JPH3: variants seen among roughly 807,000 people sequenced by gnomAD.
JPH3 encodes the protein junctophilin 3, also known as junctophilin-3.
In JPH3, 11 loss-of-function variants were observed where a neutral mutation model predicts 59.6. The observed-to-expected ratio is 0.18, with a 90% confidence interval of 0.12 to 0.31. The LOEUF (loss-of-function observed/expected upper bound fraction) is 0.31, where lower values mean the gene tolerates loss of function less well. Among genes scored for constraint, JPH3 ranks in the 10% least tolerant of loss-of-function variants. The pLI is 1.00. For missense variants in JPH3, 1,202 were observed against 1,105.7 expected, an observed-to-expected ratio of 1.09 and a Z score of -1.24; for synonymous variants, 673 against 483.6, an observed-to-expected ratio of 1.39 and a Z score of -5.14.
rs1420812954 is a variant in JPH3, at chr16:87,697,990, C to G, written c.*1330C>G. The G allele has an allele frequency of 6.6e-6, 1 of 152,616 alleles. No homozygotes were observed. Among genetic ancestry groups the G allele is most frequent in the Admixed American group, 6.5e-5 (1 of 15,282 alleles). 9.5% of individuals were successfully genotyped at this position (152,616 alleles called of 1,614,324 possible). On this transcript the variant is annotated 3_prime_UTR_variant, in exon 5 of 5. Coordinates refer to ENST00000284262, the MANE Select transcript of JPH3 (RefSeq NM_020655.4). ...GCCCGGGGAGGCGCTGCAGGGATTC[C>G]CCATCCGGTCGTCTTGGGGCCAGCC...
At chr16:87,677,211 CACACACACACACACAAAAAA>C (rs1157115299) in intron 2 of JPH3, among the ~76,000 whole-genome samples, 6 of 124,136 alleles carry the variant, frequency 4.8e-5, no homozygotes, top group Non-Finnish European at 8.2e-5. Context: ...CACACACACA[CACACACACACACACAAAAAA>C]AAAAATTAGC....
intron 1 of JPH3, chr16:87,604,247 C>T (rs1016310117): frequency 3.4e-6 from 5 of 1,451,648 alleles, no homozygotes; most frequent in South Asian, 2.4e-5. Context: ...AAGATGCCAC[C>T]GCATTCGGGG....
chr16:87,648,176 G>A (rs1197993930), intron 2 of JPH3, among the ~76,000 whole-genome samples: 1 of 152,198 alleles, frequency 6.6e-6, no homozygotes, highest in Non-Finnish European at 1.5e-5. Context: ...GAGGATGGAG[G>A]ATGAGCCTGC....
chr16:87,684,330 C>T, intron 3 of JPH3, 64 bp downstream of exon 3: 1 of 1,585,392 alleles, frequency 6.3e-7, no homozygotes, highest in Non-Finnish European at 8.6e-7. Context: ...CTGGGCAGTC[C>T]TGGCAGCAGA....
In JPH3 at chr16:87,645,035, GGTA is replaced by G; in HGVS notation, c.1160+2_1160+4del. On this transcript the variant is annotated splice_donor_variant and splice_donor_region_variant and intron_variant, in intron 2 of 4. Coordinates refer to ENST00000284262, the MANE Select transcript of JPH3 (RefSeq NM_020655.4). LOFTEE classifies it high-confidence loss of function. ...CAGAAGGCTGAGATCGCGGCTTCCA[GGTA>G]GGAGGGCGAGGGGGCGGGGGGCCCT... The G allele has an allele frequency of 6.3e-7, 1 of 1,599,824 alleles. No homozygotes were observed.
At chr16:87,690,698 C>T (rs1261091407) in intron 4 of JPH3, among the ~76,000 whole-genome samples, 172 bp downstream of exon 4, 2 of 152,154 alleles carry the variant, frequency 1.3e-5, no homozygotes, top group African/African-American at 2.4e-5. Flanking sequence ...TGGGACCCTC[C>T]CCTAGGAAGC....
At chr16:87,618,949 C>A (rs759848907) in intron 1 of JPH3, among the ~76,000 whole-genome samples, 1 of 151,896 alleles carries the variant, frequency 6.6e-6, no homozygotes, top group Non-Finnish European at 1.5e-5. Flanking sequence ...ATGAGCTGGG[C>A]GTGATGGCAG....
chr16:87,691,529 G>A (rs986544278), intron 4 of JPH3, among the ~76,000 whole-genome samples: 1 of 152,162 alleles, frequency 6.6e-6, no homozygotes, highest in African/African-American at 2.4e-5. Context: ...TAGGTTTATT[G>A]TCGACGCTGC....
chr16:87,662,655 C>T (rs1348534630), intron 2 of JPH3, among the ~76,000 whole-genome samples: 4 of 152,244 alleles, frequency 2.6e-5, no homozygotes, highest in African/African-American at 9.6e-5. Flanking sequence ...CCAGTCCCCG[C>T]TGAGCCATGC....
intron 1 of JPH3, among the ~76,000 whole-genome samples, chr16:87,627,347 C>T (rs886787198): frequency 2.6e-5 from 4 of 152,224 alleles, no homozygotes; most frequent in African/African-American, 7.2e-5. Flanking sequence ...GGGGTCTTGG[C>T]GCTATTGTAA....
At chr16:87,664,110 T>A (rs1007829195) in intron 2 of JPH3, among the ~76,000 whole-genome samples, 3 of 147,950 alleles carry the variant, frequency 2.0e-5, no homozygotes, top group Admixed American at 6.7e-5. Context: ...GGCGGGTGGA[T>A]CACGAGGTCA....
chr16:87,677,225 C>CACACACAAAAAA (rs1271128667), intron 2 of JPH3, among the ~76,000 whole-genome samples: 1 of 81,726 alleles, frequency 1.2e-5, no homozygotes, highest in African/African-American at 4.3e-5. Context: ...CACACACACA[C>CACACACAAAAAA]AAAAAAAAAA....
chr16:87,668,072 G>C (rs1336791104), intron 2 of JPH3, among the ~76,000 whole-genome samples: 1 of 152,214 alleles, frequency 6.6e-6, no homozygotes, highest in Non-Finnish European at 1.5e-5. Flanking sequence ...CGCATCCTCT[G>C]ACTACCGTGA....
At chr16:87,665,634 G>A (rs970551248) in intron 2 of JPH3, among the ~76,000 whole-genome samples, 1 of 152,210 alleles carries the variant, frequency 6.6e-6, no homozygotes, top group Non-Finnish European at 1.5e-5. Flanking sequence ...CTCACTTGCA[G>A]GTGAGGGTCC....
At chr16:87,674,184 A>G (rs796586793) in intron 2 of JPH3, among the ~76,000 whole-genome samples, 1 of 151,968 alleles carries the variant, frequency 6.6e-6, no homozygotes, top group South Asian at 2.1e-4. Context: ...AATACAAAAA[A>G]TTAGCCAGGC....
At chr16:87,652,270 C>T (rs982435111) in intron 2 of JPH3, among the ~76,000 whole-genome samples, 1 of 152,230 alleles carries the variant, frequency 6.6e-6, no homozygotes, top group African/African-American at 2.4e-5. Context: ...CCACCGCGCC[C>T]AGCCTGTTAG....
intron 4 of JPH3, among the ~76,000 whole-genome samples, chr16:87,690,876 C>A (rs1028333661): frequency 6.6e-6 from 1 of 152,202 alleles, no homozygotes; most frequent in Non-Finnish European, 1.5e-5. Flanking sequence ...AGCCTTGGGC[C>A]GTGAGATGAC....
At chr16:87,632,472 A>C (rs966863336) in intron 1 of JPH3, among the ~76,000 whole-genome samples, 2 of 152,188 alleles carry the variant, frequency 1.3e-5, no homozygotes, top group Non-Finnish European at 2.9e-5. Context: ...TAAGAGATGG[A>C]GTCTTGCTCT....
At chr16:87,602,296 G>A (rs1192387025), upstream of JPH3, 1 of 144,838 alleles carries the variant, frequency 6.9e-6, no homozygotes, top group South Asian at 2.3e-4. Context: ...GGGCCCCGGG[G>A]AAGCCCAGGG....
Sources: gnomAD v4.1 joint callset for allele counts (sites outside exome capture counted in the v4.1 genomes callset) on GRCh38, gnomAD v4.1.1 for gene constraint, MANE v1.5 for transcripts, NCBI Gene and HGNC (gene_info 2026-07-23, HGNC 2026-07-21) for gene names.